Variants in FSIP2 observed in about 807,000 individuals in gnomAD.
FSIP2 encodes fibrous sheath-interacting protein 2.
Under a neutral mutation model 510.5 loss-of-function variants are expected in FSIP2, and 367 were observed. The observed-to-expected ratio is 0.72, with a 90% CI of 0.66 to 0.78. FSIP2 has a LOEUF of 0.78. Among genes scored for constraint, FSIP2 ranks in the 30% least tolerant of loss-of-function variants. The pLI, the probability that FSIP2 is intolerant of heterozygous loss-of-function variation, is 0.00. For synonymous variants in FSIP2, 2,601 were observed against 2,732.2 expected (o/e 0.95, Z 1.50); for missense variants, 7,594 against 7,901.7 (o/e 0.96, Z 1.48).
rs897489710 is a variant in FSIP2, at chr2:185,805,968, T to C, written c.16662T>C (p.Asn5554=). The change falls in exon 17 of 23, where the codon AAT becomes AAC. Residue 5554 remains asparagine, a synonymous_variant. Coordinates refer to ENST00000424728, the MANE Select transcript of FSIP2 (RefSeq NM_173651.4). ...AAAGTAAAGATACTCAGGAGCCAAA[T>C]TTGAGTGAAACATTTAATAATAATG... ...TVKSKDTQEP[N]LSETFNNNEI... The C allele has an allele frequency of 3.2e-6, 5 of 1,567,486 alleles. No homozygotes were observed. Among genetic ancestry groups the C allele is most frequent in the Non-Finnish European group, 4.3e-6 (5 of 1,162,368 alleles).
At chr2:185,760,961 T>G (rs1452255718) in intron 9 of FSIP2, 27 bp from the exon 10 acceptor site, 2 of 870,322 alleles carry the variant, frequency 2.3e-6, no homozygotes, top group Non-Finnish European at 3.4e-6. Context: ...AAAAAAACTA[T>G]AGAGTTTCTC....
intron 13 of FSIP2, among the ~76,000 whole-genome samples, chr2:185,774,618 A>C (rs1692679016): frequency 6.6e-6 from 1 of 150,992 alleles, no homozygotes; most frequent in African/African-American, 2.4e-5. Context: ...TTTAGGGTAC[A>C]TGTGCACATT....
At position 185,788,926 on chromosome 2, in the gene FSIP2, C is replaced by T. The variant is rs1474322387; in HGVS notation, c.1790C>T (p.Thr597Ile). 6.5e-7 allele frequency: 1 copy of T among 1,535,092 alleles called. No homozygotes were observed. Among genetic ancestry groups the T allele is most frequent in the East Asian group, 2.4e-5 (1 of 40,874 alleles). Reference protein sequence around the residue: ...VVDTSVRRPTTPIKPPPAHVE... With the variant: ...VVDTSVRRPTIPIKPPPAHVE... ...GACACGTCAGTAAGGAGACCAACCACACCTATAAAACCTCCTCCTGCACAT... is the reference window on the plus strand; with the variant it reads ...GACACGTCAGTAAGGAGACCAACCATACCTATAAAACCTCCTCCTGCACAT... Residue 597 changes from threonine (T) to isoleucine (I), a missense_variant, in exon 16 of 23, where the codon ACA becomes ATA. Physicochemically the swap from Thr to Ile is moderately conservative, Grantham distance 89 (BLOSUM62 -1). Coordinates refer to ENST00000424728, the MANE Select transcript of FSIP2 (RefSeq NM_173651.4).
chr2:185,766,941 G>T (rs1692498989), intron 13 of FSIP2, among the ~76,000 whole-genome samples: 1 of 117,560 alleles, frequency 8.5e-6, no homozygotes, highest in Non-Finnish European at 1.8e-5. Flanking sequence ...ATGATAGACT[G>T]GATTAAGAAA....
At chr2:185,781,696 A>AT (rs1318444494) in intron 13 of FSIP2, among the ~76,000 whole-genome samples, 4 of 152,206 alleles carry the variant, frequency 2.6e-5, no homozygotes, top group Admixed American at 6.5e-5. Flanking sequence ...AAGTTTAGCT[A>AT]TTTTTAACAG....
rs1370091408 is a variant in FSIP2, at chr2:185,796,501, T to C, written c.9365T>C (p.Ile3122Thr). Residue 3122 changes from isoleucine (I) to threonine (T), a missense_variant, in exon 16 of 23, where the codon ATT (isoleucine) becomes ACT (threonine). Ile to Thr is a moderately conservative substitution (Grantham distance 89, BLOSUM62 -1). Transcript: ENST00000424728. ...GAGAACATTGTAGCAAGTGAGATCATTGGCACACTAATGGACCAGTGTACT... is the reference window on the plus strand; with the variant it reads ...GAGAACATTGTAGCAAGTGAGATCACTGGCACACTAATGGACCAGTGTACT... ...LKENIVASEI[I>T]GTLMDQCTYF... 13 of 1,535,056 alleles carry C rather than the reference T, an allele frequency of 8.5e-6. No homozygotes were observed. The Middle Eastern group carries it at 8.4e-4, about 99-fold the overall frequency.
In FSIP2 at chr2:185,761,005, G is replaced by T. The variant is rs1692338871; in HGVS notation, c.1096G>T (p.Ala366Ser). Residue 366 changes from alanine to serine, a missense_variant, in exon 10 of 23, where the codon GCT becomes TCT. Ala to Ser is a moderately conservative substitution (Grantham distance 99). Coordinates refer to ENST00000424728, the MANE Select transcript of FSIP2 (RefSeq NM_173651.4). ...TCTTTTAGGACATACAGCAAATGCT[G>T]CTCATCAGCGTCAAAATAGTTCAAA... Reference protein sequence around the residue: ...KETHGHTANAAHQRQNSSNNF... With the variant: ...KETHGHTANASHQRQNSSNNF... The T allele has an allele frequency of 6.8e-7, 1 of 1,474,610 alleles. No individual in the cohort carries two copies. Among genetic ancestry groups the T allele is most frequent in the Non-Finnish European group, 9.1e-7 (1 of 1,104,894 alleles). The allele number at this position is 1,474,610 out of a possible 1,614,324, so 91.3% of individuals were successfully genotyped here. A position where few individuals can be genotyped will look rare whatever the true frequency, so the allele number is the denominator to read the frequency against.
chr2:185,795,195 G>T lies in FSIP2; in HGVS notation c.8059G>T (p.Ala2687Ser). Reference sequence around the variant, plus strand: ...AAAAACACACTTAGGACTGAGTGCTGCTAAGGCCAAAAGCAAAACCAAGTT... The same window carrying T: ...AAAAACACACTTAGGACTGAGTGCTTCTAAGGCCAAAAGCAAAACCAAGTT... ...TKKTHLGLSA[A>S]KAKSKTKLGP... The change falls in exon 16 of 23, where the codon GCT becomes TCT. Residue 2687 changes from alanine to serine, a missense_variant. Transcript: ENST00000424728. The T allele has an allele frequency of 6.5e-7, 1 of 1,534,816 alleles. No homozygotes were observed. Among genetic ancestry groups the T allele is most frequent in the Non-Finnish European group, 8.7e-7 (1 of 1,146,126 alleles).
intron 19 of FSIP2, among the ~76,000 whole-genome samples, chr2:185,820,884 T>C (rs977111659): frequency 7.9e-5 from 12 of 151,222 alleles, no homozygotes; most frequent in Non-Finnish European, 1.2e-4. Flanking sequence ...ACTTTACACC[T>C]TAGGGAACTA....
chr2:185,807,406 A>G lies in FSIP2; in HGVS notation c.18100A>G (p.Lys6034Glu). Residue 6034 changes from lysine to glutamate, a missense_variant, in exon 17 of 23, where the codon AAA (lysine) becomes GAA (glutamate). Lys to Glu is a moderately conservative substitution (Grantham distance 56). Transcript: ENST00000424728. Reference sequence around the variant, plus strand: ...CTCAACAATATCCAGCACAAAAACAAAAGAACCTGAGGACAATTTGTCCAC... The same window carrying G: ...CTCAACAATATCCAGCACAAAAACAGAAGAACCTGAGGACAATTTGTCCAC... Reference protein sequence around the residue: ...IFSTISSTKTKEPEDNLSTEL... With the variant: ...IFSTISSTKTEEPEDNLSTEL... 1 of 1,608,778 alleles carries G rather than the reference A, an allele frequency of 6.2e-7. No individual in the cohort carries two copies. The highest frequency in any genetic ancestry group is 8.5e-7 in the Non-Finnish European group (1 of 1,178,538).
intron 13 of FSIP2, among the ~76,000 whole-genome samples, chr2:185,778,457 T>TA (rs1455580039): frequency 6.6e-6 from 1 of 152,086 alleles, no homozygotes; most frequent in African/African-American, 2.4e-5. Flanking sequence ...CATTTTTTTC[T>TA]AAATCATGTT....
Position 185,792,933 on chromosome 2 carries a change from A to T in FSIP2, c.5797A>T (p.Thr1933Ser). 1 of 1,534,088 alleles carries T rather than the reference A, an allele frequency of 6.5e-7. No homozygotes were observed. Residue 1933 changes from threonine (T) to serine (S), a missense_variant, in exon 16 of 23, where the codon ACT becomes TCT. Coordinates refer to ENST00000424728, the MANE Select transcript of FSIP2 (RefSeq NM_173651.4). ...ATTAACAAATTTAGAAACTTTTGCTACTTCCAAAGTAAAATCTCTCTTTTA... is the reference window on the plus strand; with the variant it reads ...ATTAACAAATTTAGAAACTTTTGCTTCTTCCAAAGTAAAATCTCTCTTTTA... ...AILTNLETFA[T>S]SKVKSLFYSQ...
At position 185,804,298 on chromosome 2, in the gene FSIP2, A is replaced by G; in HGVS notation, c.14992A>G (p.Thr4998Ala). ...LVNSIVLEFT[T>A]SEILVADNFD... is the part of the protein sequence containing the mutation. The stretch of plus-strand genomic sequence containing the variant: ...AAATTCAATTGTTCTGGAGTTCACC[A>G]CATCAGAGATTTTAGTTGCAGATAA... Residue 4998 changes from threonine to alanine, a missense_variant, in exon 17 of 23, where the codon ACA becomes GCA. By Grantham distance (58) the Thr-to-Ala change is moderately conservative. Coordinates refer to ENST00000424728, the MANE Select transcript of FSIP2 (RefSeq NM_173651.4). 7.2e-6 allele frequency: 11 copies of G among 1,520,732 alleles called. No individual in the cohort carries two copies. The highest frequency in any genetic ancestry group is 2.1e-5 in the Admixed American group (1 of 48,090). 94.2% of individuals were successfully genotyped at this position (1,520,732 alleles called of 1,614,324 possible). A position where few individuals can be genotyped will look rare whatever the true frequency, so the allele number is the denominator to read the frequency against.
chr2:185,823,029 A>G (rs898674821), intron 19 of FSIP2, among the ~76,000 whole-genome samples: 1 of 151,872 alleles, frequency 6.6e-6, no homozygotes, highest in Non-Finnish European at 1.5e-5. Context: ...ATGAAGGTGA[A>G]CCCTTACCTT....
chr2:185,767,578 G>A (rs1324012513), intron 13 of FSIP2, among the ~76,000 whole-genome samples: 1 of 151,996 alleles, frequency 6.6e-6, no homozygotes, highest in African/African-American at 2.4e-5. Flanking sequence ...TTAGCATGAT[G>A]TTCTCCAAGT....
chr2:185,813,427 T>C (rs980659178), intron 17 of FSIP2, 118 bp from the exon 18 acceptor site: 24 of 522,890 alleles, frequency 4.6e-5, no homozygotes, highest in Non-Finnish European at 6.7e-5. Flanking sequence ...TAAGTGATAT[T>C]TGAAGATATT....
intron 7 of FSIP2, among the ~76,000 whole-genome samples, chr2:185,752,448 G>T (rs568912548): frequency 6.2e-4 from 94 of 151,196 alleles, no homozygotes; most frequent in Non-Finnish European, 1.2e-3. Flanking sequence ...GGGCTTCTTG[G>T]ACCTGTGGGT....
At chr2:185,742,024 A>C (rs1024031063) in intron 2 of FSIP2, among the ~76,000 whole-genome samples, 1 of 152,134 alleles carries the variant, frequency 6.6e-6, no homozygotes, top group Non-Finnish European at 1.5e-5. Context: ...TATAAATTGA[A>C]TTTCATGCCT....
rs1693076648 is a variant in FSIP2, at chr2:185,789,832, CTTCTT to C, written c.2698_2702del (p.Ser900GlyfsTer18). 6.5e-7 allele frequency: 1 copy of C among 1,532,542 alleles called. No individual in the cohort carries two copies. Among genetic ancestry groups the C allele is most frequent in the Non-Finnish European group, 8.7e-7 (1 of 1,144,520 alleles). The allele number at this position is 1,532,542 out of a possible 1,614,324, so 94.9% of individuals were successfully genotyped here. A position where few individuals can be genotyped will look rare whatever the true frequency, so the allele number is the denominator to read the frequency against. ...TTAATATCAAATATTTTTTCCCAGTCTTCTTTGGTTGCTTATATAGAGGAAGCAAT... is the reference window on the plus strand; with the variant it reads ...TTAATATCAAATATTTTTTCCCAGTCTGGTTGCTTATATAGAGGAAGCAAT... On this transcript the variant is annotated frameshift_variant, in exon 16 of 23. Transcript: ENST00000424728. LOFTEE classifies it high-confidence loss of function.
Sources: gnomAD v4.1 joint callset for allele counts (sites outside exome capture counted in the v4.1 genomes callset) on GRCh38, gnomAD v4.1.1 for gene constraint, MANE v1.5 for transcripts, NCBI Gene and HGNC (gene_info 2026-07-23, HGNC 2026-07-21) for gene names.